The following MARCHF1 variants were observed in gnomAD, a reference collection of about 807,000 sequenced individuals.
MARCHF1 encodes E3 ubiquitin-protein ligase MARCHF1.
In MARCHF1, 40 loss-of-function variants were observed where a neutral mutation model predicts 54.2. That is an observed-to-expected ratio of 0.74 (90% confidence interval 0.57 to 0.96). MARCHF1 has a LOEUF of 0.96. MARCHF1 is among the 40% of genes least tolerant of loss of function. MARCHF1 has a pLI of 0.00. For missense variants in MARCHF1, 586 were observed against 656.5 expected, an observed-to-expected ratio of 0.89 and a Z score of 1.17; for synonymous variants, 236 against 236.3, an observed-to-expected ratio of 1.00 and a Z score of 0.01.
chr4:164,339,413 C>T (rs1009639586), intron 1 of MARCHF1, among the ~76,000 whole-genome samples: 3 of 152,016 alleles, frequency 2.0e-5, no homozygotes, highest in Non-Finnish European at 4.4e-5. Flanking sequence ...GAAATCAATA[C>T]CAAGAAGAAA....
chr4:164,229,506 G>C (rs1732354320), intron 1 of MARCHF1, among the ~76,000 whole-genome samples: 2 of 152,188 alleles, frequency 1.3e-5, no homozygotes, highest in Admixed American at 1.3e-4. Context: ...GTTTGAAACA[G>C]GGTTTCAGTC....
chr4:164,279,803 T>C (rs1199454417), intron 1 of MARCHF1, among the ~76,000 whole-genome samples: 4 of 151,654 alleles, frequency 2.6e-5, no homozygotes, highest in Non-Finnish European at 4.4e-5. Flanking sequence ...TAGAAGAATA[T>C]GAAACCTCTT....
intron 5 of MARCHF1, among the ~76,000 whole-genome samples, chr4:163,666,272 T>C (rs547389452): frequency 6.6e-6 from 1 of 152,272 alleles, no homozygotes; most frequent in African/African-American, 2.4e-5. Flanking sequence ...TACGGCTTTA[T>C]AATAATATAT....
At chr4:164,262,269 T>C (rs1236289369) in intron 1 of MARCHF1, among the ~76,000 whole-genome samples, 2 of 152,102 alleles carry the variant, frequency 1.3e-5, no homozygotes, top group Non-Finnish European at 2.9e-5. Flanking sequence ...AGGAAAAATA[T>C]GCCTCAACCT....
chr4:163,908,488 C>G (rs2111327825), intron 3 of MARCHF1, among the ~76,000 whole-genome samples: 1 of 152,096 alleles, frequency 6.6e-6, no homozygotes, highest in South Asian at 2.1e-4. Flanking sequence ...AATAAAATTC[C>G]AAGTTCATTA....
At chr4:164,174,245 T>G (rs144859423) in intron 1 of MARCHF1, among the ~76,000 whole-genome samples, 1 of 152,184 alleles carries the variant, frequency 6.6e-6, no homozygotes, top group African/African-American at 2.4e-5. Context: ...CTGACAAATT[T>G]CACTATAACC....
intron 3 of MARCHF1, among the ~76,000 whole-genome samples, chr4:163,868,889 A>G (rs1750110604): frequency 6.6e-6 from 1 of 151,978 alleles, no homozygotes; most frequent in African/African-American, 2.4e-5. Context: ...TTTTTTTTCA[A>G]AAAAGATGAA....
intron 1 of MARCHF1, among the ~76,000 whole-genome samples, chr4:164,370,736 C>T (rs142758241): frequency 1.6e-4 from 25 of 152,064 alleles, no homozygotes; most frequent in Non-Finnish European, 2.8e-4. Flanking sequence ...CGGCGAAACT[C>T]GATCTCTACT....
chr4:164,245,318 C>T (rs1026549460), intron 1 of MARCHF1, among the ~76,000 whole-genome samples: 3 of 152,072 alleles, frequency 2.0e-5, no homozygotes, highest in Non-Finnish European at 4.4e-5. Flanking sequence ...TAAACGTAAT[C>T]CAGCATATAA....
At chr4:163,828,220 G>A (rs1748911129) in intron 4 of MARCHF1, among the ~76,000 whole-genome samples, 1 of 152,020 alleles carries the variant, frequency 6.6e-6, no homozygotes, top group African/African-American at 2.4e-5. Context: ...AGTAATTGAG[G>A]TTTTTGCCAT....
At chr4:164,175,250 A>G (rs1181062093) in intron 1 of MARCHF1, among the ~76,000 whole-genome samples, 2 of 152,216 alleles carry the variant, frequency 1.3e-5, no homozygotes, top group African/African-American at 4.8e-5. Flanking sequence ...ATTATCCACA[A>G]TTGAATTATC....
At chr4:163,581,185 G>C (rs191195292) in intron 8 of MARCHF1, among the ~76,000 whole-genome samples, 1 of 152,332 alleles carries the variant, frequency 6.6e-6, no homozygotes, top group Admixed American at 6.5e-5. Flanking sequence ...ACATGCTTTA[G>C]AATCAGGGAG....
rs141884070 is a variant in MARCHF1, at chr4:164,356,895, T to C, written c.-323+26975A>G. ...CATGCTCTCACTTACAAGTGGGAGC[T>C]AAATGTTGAGAACACATGGACACAT... On this transcript the variant is annotated intron_variant, in intron 1 of 9. Coordinates refer to ENST00000514618, the MANE Select transcript of MARCHF1 (RefSeq NM_001394959.1). Among the ~76,000 whole-genome samples, 731 of 151,406 alleles carry C rather than the reference T, an allele frequency of 4.8e-3. 7 individuals are homozygous for C. Among genetic ancestry groups the C allele is most frequent in the African/African-American group, 0.017 (705 of 41,262 alleles).
chr4:164,105,937 C>T (rs1388484314), intron 2 of MARCHF1, among the ~76,000 whole-genome samples: 1 of 146,570 alleles, frequency 6.8e-6, no homozygotes, highest in African/African-American at 2.6e-5. Context: ...CAAACAACCC[C>T]ATCAAAAAGT....
At position 164,060,349 on chromosome 4, in the gene MARCHF1, T is replaced by C. The variant is rs1430349705; in HGVS notation, c.-248+51239A>G. Among the ~76,000 whole-genome samples the C allele has an allele frequency of 2.6e-5, 4 of 152,190 alleles. No individual in the cohort carries two copies. The South Asian group carries it at 8.3e-4, about 32-fold the overall frequency. ...TATGTACACAAACATGTAAAAGACA[T>C]ATTGTAGAATTTAATAGATATTGAT... On this transcript the variant is annotated intron_variant, in intron 2 of 9. Coordinates refer to ENST00000514618, the MANE Select transcript of MARCHF1 (RefSeq NM_001394959.1).
intron 3 of MARCHF1, among the ~76,000 whole-genome samples, chr4:163,951,287 C>G (rs1309612431): frequency 6.6e-6 from 1 of 152,110 alleles, no homozygotes; most frequent in Non-Finnish European, 1.5e-5. Flanking sequence ...ACCGTTAACC[C>G]TTGTCCTTAA....
intron 1 of MARCHF1, among the ~76,000 whole-genome samples, chr4:164,134,826 A>T (rs560364254): frequency 2.0e-5 from 3 of 148,700 alleles, no homozygotes; most frequent in African/African-American, 4.9e-5. Flanking sequence ...AGTATTATGG[A>T]GTCTGTCAGA....
chr4:163,877,063 A>T lies in MARCHF1; in HGVS notation c.-38-22894T>A, dbSNP rs151036466. On this transcript the variant is annotated intron_variant, in intron 3 of 9. Coordinates refer to ENST00000514618, the MANE Select transcript of MARCHF1 (RefSeq NM_001394959.1). Reference sequence around the variant, plus strand: ...GTAGAAAGTAGTCCCCAAATCTTATATCTCCACAGGTTTCTGAATAATAGC... The same window carrying T: ...GTAGAAAGTAGTCCCCAAATCTTATTTCTCCACAGGTTTCTGAATAATAGC... Among the ~76,000 whole-genome samples the T allele has an allele frequency of 2.0e-5, 3 of 152,148 alleles. No homozygotes were observed. In the East Asian group the frequency reaches 5.8e-4, roughly 29 times the overall value.
chr4:163,890,437 G>A (rs1157681203), intron 3 of MARCHF1, among the ~76,000 whole-genome samples: 1 of 152,114 alleles, frequency 6.6e-6, no homozygotes, highest in Non-Finnish European at 1.5e-5. Flanking sequence ...AAATAAGAGT[G>A]TGGACTTTAG....
Sources: allele counts gnomAD v4.1 joint callset (sites outside exome capture counted in the v4.1 genomes callset), GRCh38; gene constraint gnomAD v4.1.1; transcripts MANE v1.5; gene names NCBI Gene and HGNC (gene_info 2026-07-23, HGNC 2026-07-21).